Variants in PAPPA2 observed in about 807,000 individuals in gnomAD.
PAPPA2 encodes pappalysin-2.
In PAPPA2, 86 loss-of-function variants were observed where a neutral mutation model predicts 176.4. That is an observed-to-expected ratio of 0.49 (90% CI 0.41 to 0.58). The LOEUF is 0.58. Among genes scored for constraint, PAPPA2 ranks in the 20% least tolerant of loss-of-function variants. The pLI, the probability that PAPPA2 is intolerant of heterozygous loss-of-function variation, is 0.00. For missense variants in PAPPA2, 2,073 were observed against 2,256.9 expected, an observed-to-expected ratio of 0.92 and a Z score of 1.65; for synonymous variants, 809 against 852.2, an observed-to-expected ratio of 0.95 and a Z score of 0.88.
intron 22 of PAPPA2, among the ~76,000 whole-genome samples, chr1:176,841,865 A>T (rs1239857316): frequency 6.6e-6 from 1 of 152,180 alleles, no homozygotes; most frequent in Non-Finnish European, 1.5e-5. Flanking sequence ...TTGGAGTCAG[A>T]GTGCTAGTCT....
chr1:176,797,369 C>A (rs1000460076), intron 20 of PAPPA2, among the ~76,000 whole-genome samples: 1 of 152,130 alleles, frequency 6.6e-6, no homozygotes. Context: ...ATCAGCTGGG[C>A]ACAGTGGCTC....
At chr1:176,740,869 T>C (rs1007212851) in intron 14 of PAPPA2, among the ~76,000 whole-genome samples, 2 of 152,060 alleles carry the variant, frequency 1.3e-5, no homozygotes, top group African/African-American at 4.8e-5. Context: ...ATCAATTGAG[T>C]GGGACTACAG....
chr1:176,528,224 T>G (rs1649602511), intron 1 of PAPPA2, among the ~76,000 whole-genome samples: 1 of 152,188 alleles, frequency 6.6e-6, no homozygotes, highest in Admixed American at 6.5e-5. Context: ...CAAGATAGAC[T>G]GAAGAGCAGA....
At chr1:176,491,490 A>G (rs1161028502) in intron 1 of PAPPA2, among the ~76,000 whole-genome samples, 4 of 152,206 alleles carry the variant, frequency 2.6e-5, no homozygotes, top group African/African-American at 9.6e-5. Flanking sequence ...TGGAAAATGT[A>G]GAGGCTGAGT....
At chr1:176,525,753 C>T (rs967302869) in intron 1 of PAPPA2, among the ~76,000 whole-genome samples, 1 of 152,158 alleles carries the variant, frequency 6.6e-6, no homozygotes, top group South Asian at 2.1e-4. Flanking sequence ...ACAGCCAGGT[C>T]GCTTTTGAGA....
In PAPPA2 at chr1:176,480,334, C is replaced by T. The variant is rs150033892; in HGVS notation, c.-917+16916C>T. Among the ~76,000 whole-genome samples the T allele has an allele frequency of 1.3e-3, 194 of 152,290 alleles. 2 individuals are homozygous for T. Among genetic ancestry groups the T allele is most frequent in the African/African-American group, 4.4e-3 (185 of 41,576 alleles). ...ACACAGAGCAGTCCTGGGGAGAGGG[C>T]CGCTCCATGGCTTTTGGGCAGGCTG... On this transcript the variant is annotated intron_variant, in intron 1 of 22. Coordinates refer to ENST00000367662, the MANE Select transcript of PAPPA2 (RefSeq NM_020318.3).
chr1:176,704,405 G>A (rs1660788116), intron 9 of PAPPA2, among the ~76,000 whole-genome samples: 1 of 152,042 alleles, frequency 6.6e-6, no homozygotes, highest in African/African-American at 2.4e-5. Flanking sequence ...TGATCACTTG[G>A]ATAACACTTG....
chr1:176,562,729 C>T (rs1272333770), intron 2 of PAPPA2, among the ~76,000 whole-genome samples: 3 of 152,170 alleles, frequency 2.0e-5, no homozygotes, highest in African/African-American at 4.8e-5. Flanking sequence ...ACGAGTTGCA[C>T]GAGTTGACTT....
At chr1:176,754,042 T>C (rs1050502627) in intron 14 of PAPPA2, among the ~76,000 whole-genome samples, 10 of 147,904 alleles carry the variant, frequency 6.8e-5, no homozygotes, top group African/African-American at 2.5e-4. Context: ...TTCTTTCAAC[T>C]CATGAGGTTA....
At chr1:176,814,460 T>C (rs182963076) in intron 21 of PAPPA2, among the ~76,000 whole-genome samples, 168 of 152,290 alleles carry the variant, frequency 1.1e-3, no homozygotes, top group Non-Finnish European at 2.0e-3. Context: ...CTGATTTCCT[T>C]GAGTGGTGAT....
intron 17 of PAPPA2, among the ~76,000 whole-genome samples, chr1:176,777,423 C>G (rs1375161398): frequency 6.6e-6 from 1 of 152,080 alleles, no homozygotes; most frequent in African/African-American, 2.4e-5. Context: ...GGGTCTAGTT[C>G]TCCCTTGAAG....
At chr1:176,603,214 G>A (rs1452260597) in intron 3 of PAPPA2, among the ~76,000 whole-genome samples, 1 of 152,200 alleles carries the variant, frequency 6.6e-6, no homozygotes, top group Non-Finnish European at 1.5e-5. Context: ...CTGGGGCCTT[G>A]GCCAAATGCC....
chr1:176,629,698 A>C (rs1656235603), intron 3 of PAPPA2, among the ~76,000 whole-genome samples: 1 of 152,160 alleles, frequency 6.6e-6, no homozygotes, highest in Admixed American at 6.5e-5. Flanking sequence ...ATTCACCCTC[A>C]TTATTCATGT....
In PAPPA2 at chr1:176,699,316, T is replaced by C; in HGVS notation, c.2963T>C (p.Leu988Pro). 1 of 1,614,184 alleles carries C rather than the reference T, an allele frequency of 6.2e-7. No homozygotes were observed. Among genetic ancestry groups the C allele is most frequent in the Non-Finnish European group, 8.5e-7 (1 of 1,180,018 alleles). ...GTCCTCTTTGACACAGAGATCTTGC[T>C]GGAAAACAAGGAGTCAGTGCACCTG... ...SQVLFDTEILLENKESVHLGP... is the reference protein window; with the variant it reads ...SQVLFDTEILPENKESVHLGP... Residue 988 changes from leucine to proline, a missense_variant, in exon 8 of 23, where the codon CTG (leucine) becomes CCG (proline). Transcript: ENST00000367662.
chr1:176,576,025 T>C (rs1652620990), intron 2 of PAPPA2, among the ~76,000 whole-genome samples: 1 of 152,142 alleles, frequency 6.6e-6, no homozygotes, highest in African/African-American at 2.4e-5. Context: ...ACTCTTTCTC[T>C]ATTATAAATA....
chr1:176,747,311 C>A lies in PAPPA2; in HGVS notation c.4151+7115C>A, dbSNP rs147276564. Among the ~76,000 whole-genome samples, 5 of 152,252 alleles carry A rather than the reference C, an allele frequency of 3.3e-5. No individual in the cohort carries two copies. The East Asian group carries it at 9.7e-4, about 29-fold the overall frequency. On this transcript the variant is annotated intron_variant, in intron 14 of 22. Coordinates refer to ENST00000367662, the MANE Select transcript of PAPPA2 (RefSeq NM_020318.3). ...TTGTAAATTCAGGCTCCAAGTAATA[C>A]AGGCAAGCTGGGGAAACCTGATGAA... is the stretch of plus-strand genomic sequence containing the variant.
chr1:176,556,244 C>T lies in PAPPA2; in HGVS notation c.-79C>T. 2.7e-6 allele frequency: 4 copies of T among 1,459,476 alleles called. No homozygotes were observed. The highest frequency in any genetic ancestry group is 3.7e-6 in the Non-Finnish European group (4 of 1,081,546). The allele number at this position is 1,459,476 out of a possible 1,614,324, so 90.4% of individuals were successfully genotyped here. Reference sequence around the variant, plus strand: ...GTGACTGCAAATCCATTGCTAGCTGCCTCTTTCTCGTCTGCCCATCACTCT... The same window carrying T: ...GTGACTGCAAATCCATTGCTAGCTGTCTCTTTCTCGTCTGCCCATCACTCT... On this transcript the variant is annotated 5_prime_UTR_variant, in exon 2 of 23. Transcript: ENST00000367662.
chr1:176,826,728 C>G (rs967367413), intron 21 of PAPPA2, among the ~76,000 whole-genome samples: 1 of 152,160 alleles, frequency 6.6e-6, no homozygotes, highest in African/African-American at 2.4e-5. Flanking sequence ...TCAACTGGAC[C>G]TGGATATTAC....
At chr1:176,564,789 A>G (rs1341698218) in intron 2 of PAPPA2, among the ~76,000 whole-genome samples, 3 of 151,324 alleles carry the variant, frequency 2.0e-5, no homozygotes, top group African/African-American at 7.3e-5. Context: ...ACGTGTTTAA[A>G]GTGTACAAAT....
Sources: allele counts gnomAD v4.1 joint callset (sites outside exome capture counted in the v4.1 genomes callset), GRCh38; gene constraint gnomAD v4.1.1; transcripts MANE v1.5; gene names NCBI Gene and HGNC (gene_info 2026-07-23, HGNC 2026-07-21).